Variants in NCALD observed in about 807,000 individuals in gnomAD.
NCALD encodes the protein neurocalcin delta.
In NCALD, 10 loss-of-function variants were observed where a neutral mutation model predicts 18.6. The observed-to-expected ratio is 0.54, with a 90% CI of 0.33 to 0.91. The LOEUF (loss-of-function observed/expected upper bound fraction) is 0.91, where lower values mean the gene tolerates loss of function less well. NCALD is among the 40% of genes least tolerant of loss of function. NCALD has a pLI of 0.03. For missense variants in NCALD, 184 were observed against 247.6 expected, an observed-to-expected ratio of 0.74 and a Z score of 1.72; for synonymous variants, 88 against 87.4, an observed-to-expected ratio of 1.01 and a Z score of -0.04.
intron 2 of NCALD, among the ~76,000 whole-genome samples, chr8:102,003,850 A>C (rs944195454): frequency 6.6e-6 from 1 of 152,206 alleles, no homozygotes; most frequent in Non-Finnish European, 1.5e-5. Context: ...AAAACCTCTC[A>C]ATAAATTCGG....
chr8:102,005,151 C>T (rs1362444029), intron 2 of NCALD, among the ~76,000 whole-genome samples: 2 of 152,058 alleles, frequency 1.3e-5, no homozygotes, highest in South Asian at 2.1e-4. Flanking sequence ...GGCTAATATC[C>T]AGAATCTACA....
rs752372779 is a variant in NCALD at position 102,005,889 on chromosome 8, GGCA to G, written c.-157+14345_-157+14347del. Among the ~76,000 whole-genome samples, 1,325 of 134,938 alleles carry G rather than the reference GGCA, an allele frequency of 9.8e-3. 9 individuals carry two copies. Among genetic ancestry groups the G allele is most frequent in the Non-Finnish European group, 0.012 (748 of 62,824 alleles). 88.5% of individuals were successfully genotyped at this position (134,938 alleles called of 152,430 possible). On this transcript the variant is annotated intron_variant, in intron 2 of 6. Coordinates refer to the NCALD transcript ENST00000311028. ...ACTGGGGCCTGTTGTGGGGTGGGGG[GGCA>G]GGGGGGAGGGATAGCATTAGGAGAT...
At chr8:101,726,553 A>G (rs1343840229) in intron 1 of NCALD, among the ~76,000 whole-genome samples, 1 of 152,194 alleles carries the variant, frequency 6.6e-6, no homozygotes, top group Non-Finnish European at 1.5e-5. Flanking sequence ...AACTATAAGG[A>G]TAAAGTTAAC....
At chr8:101,939,825 C>T (rs1452445104) in intron 2 of NCALD, among the ~76,000 whole-genome samples, 2 of 152,142 alleles carry the variant, frequency 1.3e-5, no homozygotes, top group African/African-American at 4.8e-5. Flanking sequence ...TTGATCCTCC[C>T]AACAATTCCA....
At chr8:101,705,282 G>A (rs930041543) in intron 2 of NCALD, among the ~76,000 whole-genome samples, 2 of 149,762 alleles carry the variant, frequency 1.3e-5, no homozygotes, top group African/African-American at 5.0e-5. Flanking sequence ...AATAAATAAA[G>A]TGAATGAGGA....
At position 101,689,959 on chromosome 8, in the gene NCALD, C is replaced by T. The variant is rs7821322; in HGVS notation, c.485-553G>A. On this transcript the variant is annotated intron_variant, in intron 3 of 3. Transcript: ENST00000220931. The surrounding 1 kb of genome is among the most constrained non-coding windows in gnomAD (Gnocchi z 4.4). Reference sequence around the variant, plus strand: ...TGGACGTAAGTGTTTGTTCATACACCACGGGAAGACAGCTGTGCCTCCATC... The same window carrying T: ...TGGACGTAAGTGTTTGTTCATACACTACGGGAAGACAGCTGTGCCTCCATC... Among the ~76,000 whole-genome samples, 37,721 of 152,082 alleles carry T rather than the reference C, an allele frequency of 0.25. 7,225 individuals carry two copies. The highest frequency in any genetic ancestry group is 0.54 in the African/African-American group (22,445 of 41,454).
chr8:102,036,381 A>T (rs1185746602), intron 1 of NCALD, among the ~76,000 whole-genome samples: 1 of 152,048 alleles, frequency 6.6e-6, no homozygotes. Flanking sequence ...AGTAAAAATA[A>T]GTAAAGTTCA....
chr8:101,875,534 A>T (rs1816194961), intron 4 of NCALD, among the ~76,000 whole-genome samples: 1 of 152,058 alleles, frequency 6.6e-6, no homozygotes, highest in South Asian at 2.1e-4. Context: ...GATTTCCATG[A>T]CCATTGTGGT....
intron 1 of NCALD, among the ~76,000 whole-genome samples, chr8:101,787,192 C>G (rs1328651751): frequency 6.6e-6 from 1 of 152,118 alleles, no homozygotes; most frequent in African/African-American, 2.4e-5. Flanking sequence ...GTTTCAAACA[C>G]CTGGCTTGAG....
At chr8:101,851,743 A>G (rs1209158543) in intron 4 of NCALD, among the ~76,000 whole-genome samples, 1 of 152,108 alleles carries the variant, frequency 6.6e-6, no homozygotes, top group East Asian at 1.9e-4. Context: ...CATGCTAAGT[A>G]CTTAGAGTAC....
intron 2 of NCALD, among the ~76,000 whole-genome samples, chr8:101,986,132 G>A (rs1287383253): frequency 6.6e-6 from 1 of 152,076 alleles, no homozygotes; most frequent in East Asian, 1.9e-4. Context: ...CCAGGTTCAA[G>A]CGATTCTCCT....
intron 1 of NCALD, among the ~76,000 whole-genome samples, chr8:102,112,167 G>A (rs16869122): frequency 0.017 from 2,626 of 152,198 alleles, 101 homozygotes; most frequent in African/African-American, 0.06. Flanking sequence ...TGTACCTCTG[G>A]TATTAAGAAC....
At chr8:101,881,543 T>C (rs905521521) in intron 4 of NCALD, among the ~76,000 whole-genome samples, 1 of 152,232 alleles carries the variant, frequency 6.6e-6, no homozygotes, top group Non-Finnish European at 1.5e-5. Context: ...TTTCATTAAA[T>C]GTGCCTCATT....
At chr8:101,802,589 A>T (rs1812909703) in intron 4 of NCALD, among the ~76,000 whole-genome samples, 1 of 152,060 alleles carries the variant, frequency 6.6e-6, no homozygotes, top group Admixed American at 6.6e-5. Flanking sequence ...AAAAAAAAAA[A>T]GCAAAACAGC....
chr8:102,077,303 C>T (rs1456101773), intron 1 of NCALD, among the ~76,000 whole-genome samples: 17 of 152,118 alleles, frequency 1.1e-4, no homozygotes, highest in Non-Finnish European at 1.5e-5. Flanking sequence ...ATGGTTCCTC[C>T]ACAGGGTTCA....
At chr8:101,813,068 G>A (rs1253120252) in intron 4 of NCALD, among the ~76,000 whole-genome samples, 1 of 152,064 alleles carries the variant, frequency 6.6e-6, no homozygotes, top group Non-Finnish European at 1.5e-5. Context: ...CTAGGCTGGG[G>A]GAGATAGCAG....
intron 3 of NCALD, chr8:101,915,709 T>C (rs540187132): frequency 6.6e-6 from 1 of 152,334 alleles, no homozygotes; most frequent in South Asian, 2.1e-4. Flanking sequence ...GCTACTATTC[T>C]TGATAAAACA....
intron 1 of NCALD, among the ~76,000 whole-genome samples, chr8:102,091,082 C>T (rs1824909735): frequency 6.6e-6 from 1 of 152,142 alleles, no homozygotes. Flanking sequence ...GTTTACCCAA[C>T]TCATAGGTAT....
intron 1 of NCALD, among the ~76,000 whole-genome samples, chr8:101,774,515 A>C (rs1013661286): frequency 3.3e-5 from 5 of 152,366 alleles, no homozygotes; most frequent in Middle Eastern, 3.4e-3. Flanking sequence ...ATTTCTGAAA[A>C]CTTTACATTA....
Sources: gnomAD v4.1 joint callset for allele counts (sites outside exome capture counted in the v4.1 genomes callset) on GRCh38, gnomAD v4.1.1 for gene constraint, Gnocchi (gnomAD v3.1) non-coding constraint, MANE v1.5 for transcripts, NCBI Gene and HGNC (gene_info 2026-07-23, HGNC 2026-07-21) for gene names.